Variants in SDK1 observed in about 807,000 individuals in gnomAD.
SDK1 encodes the protein protein sidekick-1.
Under a neutral mutation model 245.5 loss-of-function variants are expected in SDK1, and 157 were observed. The observed-to-expected ratio is 0.64, with a 90% CI of 0.56 to 0.73. The LOEUF (loss-of-function observed/expected upper bound fraction) is 0.73. Among genes scored for constraint, SDK1 ranks in the 30% least tolerant of loss-of-function variants. SDK1 has a pLI of 0.00. For synonymous variants in SDK1, 1,647 were observed against 1,278.5 expected (o/e 1.29, Z -6.15); for missense variants, 3,583 against 3,002.3 (o/e 1.19, Z -4.52).
chr7:4,188,494 G>GA, intron 35 of SDK1, among the ~76,000 whole-genome samples: 1 of 152,068 alleles, frequency 6.6e-6, no homozygotes, highest in South Asian at 2.1e-4. Context: ...ATATATTAGG[G>GA]ATATCATGTT....
At chr7:3,535,423 C>G (rs1477476928) in intron 1 of SDK1, among the ~76,000 whole-genome samples, 2 of 152,124 alleles carry the variant, frequency 1.3e-5, no homozygotes, top group African/African-American at 2.4e-5. Flanking sequence ...ATCCCTAATG[C>G]CAACAACATC....
chr7:3,442,228 C>T (rs565760587), intron 1 of SDK1, among the ~76,000 whole-genome samples: 3 of 152,274 alleles, frequency 2.0e-5, no homozygotes, highest in East Asian at 3.9e-4. Flanking sequence ...CTTAGATAGC[C>T]ATGTCTTTTA....
chr7:4,047,093 A>G (rs1340660699), intron 17 of SDK1, among the ~76,000 whole-genome samples: 1 of 152,218 alleles, frequency 6.6e-6, no homozygotes, highest in Non-Finnish European at 1.5e-5. Flanking sequence ...TTTAGAGCTT[A>G]AATGAGATAT....
rs774364853 is a variant in SDK1 at position 3,639,007 on chromosome 7, C to T, written c.462C>T (p.Tyr154=). The T allele has an allele frequency of 3.8e-5, 60 of 1,592,474 alleles. No individual in the cohort carries two copies. Among genetic ancestry groups the T allele is most frequent in the Admixed American group, 5.1e-5 (3 of 59,388 alleles). ...ACTTCTTTTTGCTATTCAACAGGTA[C>T]ATTATTCCATCTTTGCAGAAGCTCG... The part of the protein sequence containing the change: ...ELTTYSSEYK[Y]IIPSLQKLDA... The change falls in exon 3 of 45, where the codon TAC becomes TAT. Residue 154 remains tyrosine (Y), a synonymous_variant. Transcript: ENST00000404826.
intron 40 of SDK1, among the ~76,000 whole-genome samples, chr7:4,229,476 A>G (rs1430450917): frequency 6.6e-6 from 1 of 152,224 alleles, no homozygotes; most frequent in Non-Finnish European, 1.5e-5. Context: ...CTGTATCAAT[A>G]TTTTAAAATG....
chr7:3,434,989 T>C (rs535381743), intron 1 of SDK1, among the ~76,000 whole-genome samples: 1 of 152,200 alleles, frequency 6.6e-6, no homozygotes, highest in Non-Finnish European at 1.5e-5. Flanking sequence ...TTGAATACTT[T>C]TCCTAACTGT....
chr7:4,265,381 G>A lies in SDK1; in HGVS notation c.6639G>A (p.Val2213=). The change falls in exon 45 of 45, where the codon GTG becomes GTA. Residue 2213 remains valine, a synonymous_variant. Coordinates refer to ENST00000404826, the MANE Select transcript of SDK1 (RefSeq NM_152744.4). ...CGCTCACCGGCTTCTCCTCCTTCGT[G>A]TGAGCAAAGCGCCGCGCCTCCCTCA... ...RTPLTGFSSF[V] is the part of the protein sequence containing the mutation. 1.4e-6 allele frequency: 2 copies of A among 1,435,364 alleles called. No homozygotes were observed. The highest frequency in any genetic ancestry group is 1.8e-6 in the Non-Finnish European group (2 of 1,106,274). 88.9% of individuals were successfully genotyped at this position (1,435,364 alleles called of 1,614,324 possible). A position where few individuals can be genotyped will look rare whatever the true frequency, so the allele number is the denominator to read the frequency against.
In SDK1 at chr7:4,225,586, G is replaced by A. The variant is rs540546135; in HGVS notation, c.5827+4222G>A. ...TCATATGCTGCTCCGCCGGCTGCAC[G>A]AAGGGAACAGGACGCCTGTTGGTTA... On this transcript the variant is annotated intron_variant, in intron 40 of 44. Transcript: ENST00000404826. 3.9e-5 allele frequency among the ~76,000 whole-genome samples: 6 copies of A among 152,318 alleles called. No homozygotes were observed. The East Asian group carries it at 5.8e-4, about 15-fold the overall frequency.
At chr7:3,892,877 A>G (rs911722133) in intron 5 of SDK1, among the ~76,000 whole-genome samples, 2 of 152,190 alleles carry the variant, frequency 1.3e-5, no homozygotes, top group African/African-American at 4.8e-5. Context: ...CCTCTTCAAT[A>G]TTAACCAAGA....
intron 5 of SDK1, among the ~76,000 whole-genome samples, chr7:3,852,739 A>G (rs1780449548): frequency 7.3e-6 from 1 of 137,844 alleles, no homozygotes; most frequent in African/African-American, 3.0e-5. Context: ...AGACAGAGCA[A>G]GACTCCGTCT....
At chr7:3,680,679 A>T (rs1029017785) in intron 4 of SDK1, among the ~76,000 whole-genome samples, 2 of 152,274 alleles carry the variant, frequency 1.3e-5, no homozygotes, top group East Asian at 3.9e-4. Context: ...TCTTTTAATT[A>T]TTGTCAAGTA....
intron 1 of SDK1, among the ~76,000 whole-genome samples, chr7:3,546,972 CTAAT>C (rs1315164239): frequency 6.6e-6 from 1 of 152,018 alleles, no homozygotes; most frequent in Admixed American, 6.5e-5. Flanking sequence ...TTTGATTTAA[CTAAT>C]TGAGGGAGGG....
At chr7:3,492,341 A>C (rs1257965739) in intron 1 of SDK1, among the ~76,000 whole-genome samples, 2 of 152,210 alleles carry the variant, frequency 1.3e-5, no homozygotes, top group Non-Finnish European at 2.9e-5. Context: ...AAAAATAGAA[A>C]AAATTAGCCA....
intron 5 of SDK1, among the ~76,000 whole-genome samples, chr7:3,936,027 G>T (rs1157077991): frequency 6.6e-6 from 1 of 152,192 alleles, no homozygotes; most frequent in African/African-American, 2.4e-5. Flanking sequence ...ACTCAATAGA[G>T]TCCACCCACA....
chr7:3,741,140 G>C (rs7785496), intron 4 of SDK1, among the ~76,000 whole-genome samples: 7 of 152,188 alleles, frequency 4.6e-5, no homozygotes, highest in Non-Finnish European at 2.9e-5. Context: ...TGTATACCAA[G>C]TGGATGTGCT....
chr7:4,096,700 C>G (rs1661689936), intron 22 of SDK1, among the ~76,000 whole-genome samples: 1 of 152,062 alleles, frequency 6.6e-6, no homozygotes, highest in Non-Finnish European at 1.5e-5. Context: ...ACCTCCTTCC[C>G]CAGAGGGAGG....
At chr7:3,778,936 G>A (rs1780643012) in intron 4 of SDK1, among the ~76,000 whole-genome samples, 2 of 152,150 alleles carry the variant, frequency 1.3e-5, no homozygotes, top group African/African-American at 4.8e-5. Flanking sequence ...GAATCTGTTA[G>A]TTTTGTAGGT....
chr7:3,308,090 A>G (rs1049927278), intron 1 of SDK1, among the ~76,000 whole-genome samples: 1 of 152,180 alleles, frequency 6.6e-6, no homozygotes, highest in Non-Finnish European at 1.5e-5. Flanking sequence ...CTCTAGCCTA[A>G]AAATGGTTCA....
At chr7:4,116,757 T>C (rs542431535) in intron 25 of SDK1, among the ~76,000 whole-genome samples, 1 of 152,304 alleles carries the variant, frequency 6.6e-6, no homozygotes, top group East Asian at 1.9e-4. Context: ...ACCATGGCCT[T>C]GTGGGAATGC....
Sources: allele counts gnomAD v4.1 joint callset (sites outside exome capture counted in the v4.1 genomes callset), GRCh38; gene constraint gnomAD v4.1.1; transcripts MANE v1.5; gene names NCBI Gene and HGNC (gene_info 2026-07-23, HGNC 2026-07-21).